AGTPBP1: variants seen among roughly 807,000 people sequenced by gnomAD.
AGTPBP1 encodes cytosolic carboxypeptidase 1.
In AGTPBP1, 70 loss-of-function variants were observed where a neutral mutation model predicts 143.9. That is an observed-to-expected ratio of 0.49 (90% CI 0.40 to 0.59). The LOEUF is 0.59. AGTPBP1 is among the 20% of genes least tolerant of loss of function. AGTPBP1 has a pLI of 0.00. For missense variants in AGTPBP1, 1,229 were observed against 1,464.5 expected, an observed-to-expected ratio of 0.84 and a Z score of 2.62; for synonymous variants, 463 against 500.2, an observed-to-expected ratio of 0.93 and a Z score of 0.99.
chr9:85,727,819 C>G (rs1838602983), intron 1 of AGTPBP1, among the ~76,000 whole-genome samples: 1 of 151,762 alleles, frequency 6.6e-6, no homozygotes, highest in South Asian at 2.1e-4. Flanking sequence ...GAGTTCTGGA[C>G]CAGCCTGGGT....
intron 1 of AGTPBP1, among the ~76,000 whole-genome samples, chr9:85,738,087 AG>A (rs1277152591): frequency 6.6e-6 from 1 of 152,236 alleles, no homozygotes; most frequent in Non-Finnish European, 1.5e-5. Flanking sequence ...CATTAAAAAT[AG>A]GGTGTTTATA....
At chr9:85,598,552 T>C (rs1182870856) in intron 17 of AGTPBP1, among the ~76,000 whole-genome samples, 2 of 152,212 alleles carry the variant, frequency 1.3e-5, no homozygotes, top group Non-Finnish European at 2.9e-5. Context: ...CAAGTTGTAT[T>C]TCCTGGAGAT....
the AGTPBP1 span, among the ~76,000 whole-genome samples, chr9:85,803,766 G>C: frequency 0.014 from 2,178 of 152,146 alleles, 53 homozygotes; most frequent in African/African-American, 0.049. Context: ...GTCCATGTCC[G>C]TCTGGCTGTC....
At chr9:85,582,369 T>C (rs1564029909) in intron 23 of AGTPBP1, among the ~76,000 whole-genome samples, 1 of 152,140 alleles carries the variant, frequency 6.6e-6, no homozygotes, top group Non-Finnish European at 1.5e-5. Context: ...GAGTATTGAT[T>C]AGTTATTTTT....
Position 85,657,516 on chromosome 9 carries a change from TA to T in AGTPBP1, c.827del (p.Leu276Ter). On this transcript the variant is annotated frameshift_variant, in exon 10 of 26. Coordinates refer to ENST00000357081, the MANE Select transcript of AGTPBP1 (RefSeq NM_001330701.2). LOFTEE classifies it high-confidence loss of function. ...CCAACTTGATGTTTGTAACACTTTTTAAACTCTGTAAAATTCCTTTCCGAAT... is the reference window on the plus strand; with the variant it reads ...CCAACTTGATGTTTGTAACACTTTTTAACTCTGTAAAATTCCTTTCCGAAT... ...MLIRKGILQS[L>X]KSVTNIKLGR... 1.9e-6 allele frequency: 3 copies of T among 1,613,990 alleles called. No homozygotes were observed. Among genetic ancestry groups the T allele is most frequent in the Non-Finnish European group, 2.5e-6 (3 of 1,179,922 alleles).
chr9:85,706,197 G>C (rs558701890), intron 2 of AGTPBP1, among the ~76,000 whole-genome samples: 1 of 151,672 alleles, frequency 6.6e-6, no homozygotes, highest in Admixed American at 6.6e-5. Context: ...GGAGGAAGAA[G>C]AGAATAAAAA....
intron 25 of AGTPBP1, among the ~76,000 whole-genome samples, chr9:85,554,802 C>T (rs1469475602): frequency 6.6e-6 from 1 of 152,090 alleles, no homozygotes; most frequent in Non-Finnish European, 1.5e-5. Context: ...CAGGCATGAA[C>T]TTTAAGTAAT....
chr9:85,767,429 C>G, the AGTPBP1 span, among the ~76,000 whole-genome samples: 1 of 151,330 alleles, frequency 6.6e-6, no homozygotes, highest in Non-Finnish European at 1.5e-5. Context: ...CTCACTACAA[C>G]CTCCGCCTGC....
chr9:85,679,921 T>A lies in AGTPBP1; in HGVS notation c.225+1347A>T, dbSNP rs537640747. On this transcript the variant is annotated intron_variant, in intron 4 of 25. Transcript: ENST00000357081. ...ATTCATCTCTCTTTCTCTAGTATTA[T>A]GATTCCATTTTCCATGCTTAAATCT... Among the ~76,000 whole-genome samples the A allele has an allele frequency of 5.9e-5, 9 of 152,338 alleles. No homozygotes were observed. In the East Asian group the frequency reaches 1.7e-3, roughly 29 times the overall value.
At chr9:85,647,323 T>A (rs1832879343) in intron 11 of AGTPBP1, among the ~76,000 whole-genome samples, 1 of 152,296 alleles carries the variant, frequency 6.6e-6, no homozygotes, top group Non-Finnish European at 1.5e-5. Flanking sequence ...ACATTCAAAG[T>A]CAATCTGGGT....
chr9:85,628,253 T>A (rs1164269278), intron 14 of AGTPBP1, among the ~76,000 whole-genome samples: 1 of 152,216 alleles, frequency 6.6e-6, no homozygotes, highest in Non-Finnish European at 1.5e-5. Flanking sequence ...TCCTCAACAA[T>A]GCAATCGTTC....
intron 17 of AGTPBP1, among the ~76,000 whole-genome samples, chr9:85,618,140 G>A (rs546192498): frequency 5.9e-5 from 9 of 152,018 alleles, no homozygotes; most frequent in African/African-American, 1.9e-4. Flanking sequence ...GTCTGATGCA[G>A]GGGAATCACG....
At chr9:85,572,151 C>T (rs1213768198) in intron 25 of AGTPBP1, among the ~76,000 whole-genome samples, 1 of 151,328 alleles carries the variant, frequency 6.6e-6, no homozygotes, top group Non-Finnish European at 1.5e-5. Context: ...CTCAGCCTCC[C>T]GAGTAGCTGG....
chr9:85,634,680 G>C (rs1831918589), intron 13 of AGTPBP1, among the ~76,000 whole-genome samples: 1 of 152,066 alleles, frequency 6.6e-6, no homozygotes, highest in Non-Finnish European at 1.5e-5. Flanking sequence ...AGATAAATAA[G>C]GTGTATATTG....
intron 14 of AGTPBP1, among the ~76,000 whole-genome samples, chr9:85,624,036 C>CA (rs1831117514): frequency 6.6e-6 from 1 of 152,150 alleles, no homozygotes; most frequent in African/African-American, 2.4e-5. Context: ...TACTCAAAAA[C>CA]ACATGTGATA....
chr9:85,788,566 C>T, the AGTPBP1 span, among the ~76,000 whole-genome samples: 1 of 149,544 alleles, frequency 6.7e-6, no homozygotes, highest in Non-Finnish European at 1.5e-5. Context: ...TTAATAAATA[C>T]ATATTTATTT....
In AGTPBP1 at chr9:85,591,614, C is replaced by T. The variant is rs958499181; in HGVS notation, c.2568+946G>A. Among the ~76,000 whole-genome samples, 48 of 151,998 alleles carry T rather than the reference C, an allele frequency of 3.2e-4. 1 individual carries two copies. Among genetic ancestry groups the T allele is most frequent in the Admixed American group, 3.1e-3 (48 of 15,246 alleles). ...ATTTGTTTTCCTAGGATAAATTACC[C>T]AAAAGTAAACTACTAAGCACAGAAA... On this transcript the variant is annotated intron_variant, in intron 19 of 25. Transcript: ENST00000357081.
the AGTPBP1 span, among the ~76,000 whole-genome samples, chr9:85,795,856 GTT>G: frequency 5.8e-3 from 409 of 70,650 alleles, 1 homozygote; most frequent in African/African-American, 0.022. Context: ...CTTCTTCTTA[GTT>G]TTTTTTTTTT....
chr9:85,742,102 T>C (rs928218550), upstream of AGTPBP1: 3 of 1,039,844 alleles, frequency 2.9e-6, no homozygotes, highest in Admixed American at 4.8e-5. Context: ...GCCGCGTCCC[T>C]TGTTACCTCC....
Sources: gnomAD v4.1 joint callset for allele counts (sites outside exome capture counted in the v4.1 genomes callset) on GRCh38, gnomAD v4.1.1 for gene constraint, MANE v1.5 for transcripts, NCBI Gene and HGNC (gene_info 2026-07-23, HGNC 2026-07-21) for gene names.